MAP1B: variants seen among roughly 807,000 people sequenced by gnomAD.
The protein encoded by MAP1B is microtubule-associated protein 1B.
Under a neutral mutation model 176.1 loss-of-function variants are expected in MAP1B, and 12 were observed. That is an observed-to-expected ratio of 0.07 (90% confidence interval 0.04 to 0.11). The LOEUF (loss-of-function observed/expected upper bound fraction) is 0.11. Ranked by LOEUF, MAP1B falls within the 10% of genes least tolerant of loss-of-function variation. The pLI, the probability that MAP1B is intolerant of heterozygous loss-of-function variation, is 1.00. For missense variants in MAP1B, 2,523 were observed against 2,990.5 expected, an observed-to-expected ratio of 0.84 and a Z score of 3.65; for synonymous variants, 1,044 against 1,135.0, an observed-to-expected ratio of 0.92 and a Z score of 1.61.
intron 4 of MAP1B, among the ~76,000 whole-genome samples, chr5:72,191,553 G>A (rs970358043): frequency 2.0e-5 from 3 of 152,220 alleles, no homozygotes; most frequent in Admixed American, 6.5e-5. Context: ...GTAGTTCCAA[G>A]GATGTAGGAG....
chr5:72,120,870 A>G (rs1745515720), intron 2 of MAP1B, among the ~76,000 whole-genome samples: 1 of 152,208 alleles, frequency 6.6e-6, no homozygotes, highest in Admixed American at 6.5e-5. Flanking sequence ...GATTGTTATT[A>G]TCCGTGGGAA....
At chr5:72,178,357 A>G (rs902541182) in intron 2 of MAP1B, among the ~76,000 whole-genome samples, 1 of 152,216 alleles carries the variant, frequency 6.6e-6, no homozygotes, top group Admixed American at 6.5e-5. Flanking sequence ...TTCTTGATCG[A>G]CCAAACTTTA....
At chr5:72,117,122 G>GA (rs1046489428) in intron 2 of MAP1B, among the ~76,000 whole-genome samples, 1 of 151,946 alleles carries the variant, frequency 6.6e-6, no homozygotes, top group African/African-American at 2.4e-5. Context: ...AAAGCCACAT[G>GA]AAAAATCAGT....
At chr5:72,152,158 C>A (rs564273629) in intron 2 of MAP1B, among the ~76,000 whole-genome samples, 1 of 152,136 alleles carries the variant, frequency 6.6e-6, no homozygotes, top group Admixed American at 6.5e-5. Flanking sequence ...TAAAGGTGCA[C>A]ACCAGAACAG....
chr5:72,177,238 C>G (rs760339340), intron 2 of MAP1B, among the ~76,000 whole-genome samples: 2 of 152,158 alleles, frequency 1.3e-5, no homozygotes, highest in Non-Finnish European at 2.9e-5. Context: ...TCTCCTGGAC[C>G]CTCTCCGGAG....
At position 72,156,548 on chromosome 5, in the gene MAP1B, C is replaced by CTA. The variant is rs1402135386; in HGVS notation, c.287-27193_287-27192dup. ...TGCTTAAGGACAGTAGAAAGATGAG[C>CTA]TATCCACTTCTGACCTCAGATTTCA... On this transcript the variant is annotated intron_variant, in intron 2 of 6. Coordinates refer to ENST00000296755, the MANE Select transcript of MAP1B (RefSeq NM_005909.5). 2.0e-5 allele frequency among the ~76,000 whole-genome samples: 3 copies of CTA among 152,306 alleles called. No homozygotes were observed. The East Asian group carries it at 5.8e-4, about 29-fold the overall frequency.
intron 2 of MAP1B, among the ~76,000 whole-genome samples, chr5:72,139,966 CTT>C (rs879699021): frequency 2.7e-5 from 4 of 146,296 alleles, no homozygotes; most frequent in Admixed American, 6.8e-5. Context: ...GTATTACAAA[CTT>C]TTTTTTTTTT....
intron 1 of MAP1B, 93 bp from the exon 2 acceptor site, chr5:72,115,605 C>A: frequency 1.3e-6 from 1 of 784,758 alleles, no homozygotes; most frequent in Non-Finnish European, 2.3e-6. Flanking sequence ...CACATCCTCC[C>A]TGAAAGCCTG....
intron 2 of MAP1B, among the ~76,000 whole-genome samples, chr5:72,128,223 A>G (rs1402549266): frequency 6.6e-6 from 1 of 152,162 alleles, no homozygotes; most frequent in Non-Finnish European, 1.5e-5. Context: ...ATTGGTAATT[A>G]TACTGTAAAC....
chr5:72,151,340 C>T (rs981833572), intron 2 of MAP1B, among the ~76,000 whole-genome samples: 29 of 152,280 alleles, frequency 1.9e-4, no homozygotes, highest in Admixed American at 1.4e-3. Flanking sequence ...CACTAGGCCT[C>T]ACCTCAGACA....
chr5:72,133,290 G>C (rs999259433), intron 2 of MAP1B, among the ~76,000 whole-genome samples: 1 of 152,218 alleles, frequency 6.6e-6, no homozygotes, highest in Non-Finnish European at 1.5e-5. Context: ...TCCAGCTCAG[G>C]CTGTAACGCA....
rs1322811848 is a variant in MAP1B at position 72,107,734 on chromosome 5, C to T, written c.184+19C>T. ...GAGCTCGGTAAGTGGCCCCGCGCCC[C>T]CAGAGACGCGCGCTGGGAGACGCGC... is the stretch of plus-strand genomic sequence containing the variant. On this transcript the variant is annotated intron_variant, in intron 1 of 6. Transcript: ENST00000296755. The T allele has an allele frequency of 1.3e-6, 2 of 1,597,260 alleles. No homozygotes were observed. Among genetic ancestry groups the T allele is most frequent in the East Asian group, 4.5e-5 (2 of 44,798 alleles).
chr5:72,199,998 C>G lies in MAP1B; in HGVS notation c.6643C>G (p.Pro2215Ala), dbSNP rs1747294895. 1.2e-6 allele frequency: 2 copies of G among 1,614,224 alleles called. No individual in the cohort carries two copies. The highest frequency in any genetic ancestry group is 1.7e-6 in the Non-Finnish European group (2 of 1,180,044). ...VQDRSPSPRH[P>A]DVSMVDPEAL... ...AGACCGCAGCCCTTCGCCACGCCAC[C>G]CTGATGTGTCCATGGTGGACCCAGA... Residue 2215 changes from proline (P) to alanine (A), a missense_variant, in exon 5 of 7, where the codon CCT (proline) becomes GCT (alanine). Coordinates refer to ENST00000296755, the MANE Select transcript of MAP1B (RefSeq NM_005909.5). The surrounding 1 kb of genome is among the most constrained non-coding windows in gnomAD (Gnocchi z 4.2).
chr5:72,199,327 A>G lies in MAP1B; in HGVS notation c.5972A>G (p.Tyr1991Cys), dbSNP rs778031895. The stretch of plus-strand genomic sequence containing the variant: ...CTTCTGGATGACATCAGCAATGGCT[A>G]TGATGACTCTGAGGATGGTGGCCAC... ...RRLLDDISNG[Y>C]DDSEDGGHTL... The change falls in exon 5 of 7, where the codon TAT (tyrosine) becomes TGT (cysteine). Residue 1991 changes from tyrosine (Y) to cysteine (C), a missense_variant. Tyr to Cys is a radical substitution (Grantham distance 194, BLOSUM62 -2). Around this residue, in one of 4 missense-constraint regions of MAP1B, gnomAD observed 1,925 missense variants for 2,126.0 expected, o/e 0.91. Transcript: ENST00000296755. This position sits in a 1 kb window ranked among gnomAD's most constrained non-coding sequence, Gnocchi z 4.2. 7 of 1,614,208 alleles carry G rather than the reference A, an allele frequency of 4.3e-6. No individual in the cohort carries two copies. Among genetic ancestry groups the G allele is most frequent in the South Asian group, 3.3e-5 (3 of 91,088 alleles).
At chr5:72,108,407 G>A (rs1041497088) in intron 1 of MAP1B, among the ~76,000 whole-genome samples, 1 of 152,248 alleles carries the variant, frequency 6.6e-6, no homozygotes, top group Non-Finnish European at 1.5e-5. Context: ...AAGGACAATG[G>A]GACCCCAAGT....
intron 2 of MAP1B, among the ~76,000 whole-genome samples, chr5:72,123,519 C>G (rs1194292334): frequency 1.3e-5 from 2 of 151,730 alleles, no homozygotes; most frequent in Non-Finnish European, 2.9e-5. Flanking sequence ...GAGTCTCACT[C>G]TGTCGCCCAG....
intron 2 of MAP1B, among the ~76,000 whole-genome samples, chr5:72,129,439 C>T (rs1202754153): frequency 1.3e-5 from 2 of 152,114 alleles, no homozygotes; most frequent in Non-Finnish European, 2.9e-5. Context: ...CACCTGTAGT[C>T]CCAGCTACTC....
intron 2 of MAP1B, among the ~76,000 whole-genome samples, chr5:72,131,994 T>G (rs1745741959): frequency 6.6e-6 from 1 of 152,242 alleles, no homozygotes; most frequent in African/African-American, 2.4e-5. Flanking sequence ...TGATGAAGTA[T>G]CTAAAATTTC....
chr5:72,188,610 C>A (rs1284217567), intron 4 of MAP1B, among the ~76,000 whole-genome samples: 1 of 152,128 alleles, frequency 6.6e-6, no homozygotes, highest in Non-Finnish European at 1.5e-5. Flanking sequence ...CCCTCCTTCC[C>A]CTTCTTTAAA....
Sources: allele counts gnomAD v4.1 joint callset (sites outside exome capture counted in the v4.1 genomes callset), GRCh38; gene constraint gnomAD v4.1.1; regional missense constraint gnomAD v4.1.1; non-coding constraint Gnocchi (gnomAD v3.1); transcripts MANE v1.5; gene names NCBI Gene and HGNC (gene_info 2026-07-23, HGNC 2026-07-21).